The following KLHL22 variants were observed in gnomAD, a reference collection of about 807,000 sequenced individuals.
KLHL22 encodes kelch like family member 22.
Under a neutral mutation model 60.7 loss-of-function variants are expected in KLHL22, and 18 were observed. The ratio of observed to expected loss-of-function variants is 0.30; its 90% CI spans 0.20 to 0.44. KLHL22 has a LOEUF of 0.44. Among genes scored for constraint, KLHL22 ranks in the 20% least tolerant of loss-of-function variants. KLHL22 has a pLI of 1.00. For synonymous variants in KLHL22, 355 were observed against 354.5 expected, an observed-to-expected ratio of 1.00 and a Z score of -0.01; for missense variants, 596 against 852.3, an observed-to-expected ratio of 0.70 and a Z score of 3.74.
rs73384242 is a variant in KLHL22 at position 20,445,335 on chromosome 22, G to A, written c.1539+1108C>T. On this transcript the variant is annotated intron_variant, in intron 6 of 6. Coordinates refer to ENST00000328879, the MANE Select transcript of KLHL22 (RefSeq NM_032775.4). Reference sequence around the variant, plus strand: ...GATTCTCCTGCCTCAGTCTTCCCAAGTAACTGGGATTACAGGCGCCCATCA... The same window carrying A: ...GATTCTCCTGCCTCAGTCTTCCCAAATAACTGGGATTACAGGCGCCCATCA... 2.2e-3 allele frequency among the ~76,000 whole-genome samples: 326 copies of A among 151,176 alleles called. 3 individuals carry two copies. Among genetic ancestry groups the A allele is most frequent in the African/African-American group, 7.6e-3 (314 of 41,160 alleles).
chr22:20,445,952 G>T (rs1177150594), intron 6 of KLHL22, among the ~76,000 whole-genome samples: 1 of 152,096 alleles, frequency 6.6e-6, no homozygotes, highest in Non-Finnish European at 1.5e-5. Flanking sequence ...GTAGAGATGG[G>T]GTTTTGCCAT....
rs1391475957 is a variant in KLHL22, at chr22:20,478,274, C to T, written c.228-6759G>A. 3.3e-5 allele frequency among the ~76,000 whole-genome samples: 5 copies of T among 150,526 alleles called. No individual in the cohort carries two copies. The South Asian group carries it at 6.3e-4, about 19-fold the overall frequency. Reference sequence around the variant, plus strand: ...AGGCTGGAGTGCAATGGCGCAATCTCGGCTCACCACAACCTCCAGCTCCCA... The same window carrying T: ...AGGCTGGAGTGCAATGGCGCAATCTTGGCTCACCACAACCTCCAGCTCCCA... On this transcript the variant is annotated intron_variant, in intron 2 of 6. Coordinates refer to ENST00000328879, the MANE Select transcript of KLHL22 (RefSeq NM_032775.4).
intron 2 of KLHL22, among the ~76,000 whole-genome samples, chr22:20,478,508 CTTTTTTTTTT>C (rs1196419660): frequency 4.4e-5 from 3 of 67,676 alleles, no homozygotes; most frequent in Non-Finnish European, 8.5e-5. Flanking sequence ...AAACTTAATT[CTTTTTTTTTT>C]TTTTTTTTTT....
At chr22:20,470,095 T>C (rs1440688219) in intron 3 of KLHL22, among the ~76,000 whole-genome samples, 4 of 151,942 alleles carry the variant, frequency 2.6e-5, no homozygotes, top group Non-Finnish European at 5.9e-5. Flanking sequence ...TCCCAGAACT[T>C]TGGGAAGCCA....
At chr22:20,467,789 G>T (rs1356731824) in intron 3 of KLHL22, among the ~76,000 whole-genome samples, 1 of 152,110 alleles carries the variant, frequency 6.6e-6, no homozygotes, top group Non-Finnish European at 1.5e-5. Context: ...CTCCCAAGTA[G>T]CTGGGACAAC....
chr22:20,494,012 G>A (rs1260152427), intron 1 of KLHL22, among the ~76,000 whole-genome samples: 1 of 149,310 alleles, frequency 6.7e-6, no homozygotes, highest in Non-Finnish European at 1.5e-5. Context: ...CCAGGAGGTG[G>A]AGGTTGCAGT....
intron 6 of KLHL22, among the ~76,000 whole-genome samples, chr22:20,446,009 C>T (rs1447777759): frequency 6.6e-6 from 1 of 152,332 alleles, no homozygotes; most frequent in African/African-American, 2.4e-5. Flanking sequence ...GATCCTCTCG[C>T]CTTGGCTTCC....
At chr22:20,452,093 G>A (rs2052988695) in intron 5 of KLHL22, among the ~76,000 whole-genome samples, 1 of 151,914 alleles carries the variant, frequency 6.6e-6, no homozygotes, top group Admixed American at 6.6e-5. Flanking sequence ...ACTTTGGGGA[G>A]CACTTTCCTG....
chr22:20,464,837 C>T (rs1179452427), intron 4 of KLHL22, 21 bp downstream of exon 4: 26 of 1,423,948 alleles, frequency 1.8e-5, no homozygotes, highest in Non-Finnish European at 2.4e-5. Flanking sequence ...GACAAAGGGA[C>T]CAGCTAGCAC....
At chr22:20,478,793 C>T (rs1255309539) in intron 2 of KLHL22, among the ~76,000 whole-genome samples, 3 of 147,124 alleles carry the variant, frequency 2.0e-5, no homozygotes, top group East Asian at 2.1e-4. Context: ...GGATTACAGG[C>T]GTGAGCCACC....
chr22:20,456,746 T>A (rs2053068687), intron 5 of KLHL22, among the ~76,000 whole-genome samples: 1 of 152,188 alleles, frequency 6.6e-6, no homozygotes, highest in Non-Finnish European at 1.5e-5. Flanking sequence ...GTGTGGGCTG[T>A]GTGAATGACC....
chr22:20,485,349 G>A (rs1297892285), intron 2 of KLHL22, among the ~76,000 whole-genome samples: 5 of 152,102 alleles, frequency 3.3e-5, no homozygotes, highest in Non-Finnish European at 5.9e-5. Context: ...ATTAACAAAA[G>A]TCAAAAAAAG....
Position 20,465,473 on chromosome 22 carries a change from C to A in KLHL22, c.497G>T (p.Arg166Leu), listed in dbSNP as rs373742566. ...YRLAELFDLS[R>L]LTEQLDTYIL... Reference sequence around the variant, plus strand: ...ATAGGTGTCCAGTTGCTCAGTCAGGCGGCTCAAGTCAAACAGCTCTGCCAG... The same window carrying A: ...ATAGGTGTCCAGTTGCTCAGTCAGGAGGCTCAAGTCAAACAGCTCTGCCAG... Residue 166 changes from arginine to leucine, a missense_variant, in exon 4 of 7, where the codon CGC becomes CTC. Transcript: ENST00000328879. The surrounding 1 kb of genome is among the most constrained non-coding windows in gnomAD (Gnocchi z 4.9). 4 of 1,612,882 alleles carry A rather than the reference C, an allele frequency of 2.5e-6. No homozygotes were observed. The highest frequency in any genetic ancestry group is 2.5e-6 in the Non-Finnish European group (3 of 1,178,846).
intron 5 of KLHL22, chr22:20,450,673 G>A (rs1390567292): frequency 1.2e-5 from 18 of 1,532,660 alleles, no homozygotes; most frequent in Admixed American, 5.0e-5. Flanking sequence ...AATCAAGTGC[G>A]ATGAAATTCA....
rs1273440824 is a variant in KLHL22, at chr22:20,460,630, A to C, written c.1113-2630T>G. On this transcript the variant is annotated intron_variant, in intron 4 of 6. Transcript: ENST00000328879. ...TCCCCCAAAAAAAAAAAAAAAAAAA[A>C]AAAAAAAAAAAAAAAAAGACACCAA... 4.0e-4 allele frequency among the ~76,000 whole-genome samples: 59 copies of C among 147,664 alleles called. 1 individual carries two copies. Among genetic ancestry groups the C allele is most frequent in the African/African-American group, 7.2e-4 (29 of 40,494 alleles).
chr22:20,492,809 C>T (rs1008536237), intron 1 of KLHL22, among the ~76,000 whole-genome samples: 9 of 152,170 alleles, frequency 5.9e-5, no homozygotes, highest in African/African-American at 9.7e-5. Flanking sequence ...TCAGGCTGGT[C>T]TCGCATTCCT....
chr22:20,468,451 G>T (rs556818025), intron 3 of KLHL22, among the ~76,000 whole-genome samples: 1 of 152,186 alleles, frequency 6.6e-6, no homozygotes, highest in African/African-American at 2.4e-5. Flanking sequence ...CATTTGCTTG[G>T]GGTAACCCAA....
chr22:20,467,406 A>ATGC (rs1168406053), intron 3 of KLHL22, among the ~76,000 whole-genome samples: 14 of 152,158 alleles, frequency 9.2e-5, no homozygotes, highest in African/African-American at 3.1e-4. Flanking sequence ...ACATCACTCT[A>ATGC]TACATAAGTT....
At chr22:20,478,737 A>G (rs1293850283) in intron 2 of KLHL22, among the ~76,000 whole-genome samples, 2 of 142,456 alleles carry the variant, frequency 1.4e-5, no homozygotes, top group African/African-American at 5.2e-5. Context: ...GATGGTCTCG[A>G]TCTCCTGACC....
Sources: gnomAD v4.1 joint callset for allele counts (sites outside exome capture counted in the v4.1 genomes callset) on GRCh38, gnomAD v4.1.1 for gene constraint, Gnocchi (gnomAD v3.1) non-coding constraint, MANE v1.5 for transcripts, NCBI Gene and HGNC (gene_info 2026-07-23, HGNC 2026-07-21) for gene names.